KCND2: variants seen among roughly 807,000 people sequenced by gnomAD.
KCND2 encodes the protein A-type voltage-gated potassium channel KCND2.
In KCND2, 16 loss-of-function variants were observed where a neutral mutation model predicts 54.4. The observed-to-expected ratio is 0.29, with a 90% CI of 0.20 to 0.45. The LOEUF (loss-of-function observed/expected upper bound fraction) is 0.45, where lower values mean the gene tolerates loss of function less well. KCND2 is among the 20% of genes least tolerant of loss of function. The pLI, the probability that KCND2 is intolerant of heterozygous loss-of-function variation, is 1.00. For missense variants in KCND2, 486 were observed against 824.2 expected (o/e 0.59, Z 5.02); for synonymous variants, 317 against 310.7 (o/e 1.02, Z -0.21).
intron 1 of KCND2, among the ~76,000 whole-genome samples, chr7:120,405,890 C>T (rs907480245): frequency 6.6e-6 from 1 of 151,984 alleles, no homozygotes; most frequent in African/African-American, 2.4e-5. Context: ...GCTAGTGAAA[C>T]TATAAATTGC....
intron 1 of KCND2, among the ~76,000 whole-genome samples, chr7:120,397,185 A>G (rs2116067564): frequency 6.6e-6 from 1 of 152,198 alleles, no homozygotes; most frequent in East Asian, 1.9e-4. Context: ...GTCCATTTAA[A>G]CAACTAATAT....
chr7:120,745,426 A>T (rs1486116062), intron 4 of KCND2, among the ~76,000 whole-genome samples: 3 of 151,864 alleles, frequency 2.0e-5, no homozygotes, highest in Non-Finnish European at 2.9e-5. Context: ...GGAATTTCTA[A>T]TTTCCCTGTG....
chr7:120,725,078 G>T (rs914501208), intron 1 of KCND2, among the ~76,000 whole-genome samples: 1 of 152,032 alleles, frequency 6.6e-6, no homozygotes, highest in Admixed American at 6.6e-5. Context: ...GAAAAAAATA[G>T]GAAACAGGAA....
At chr7:120,290,097 T>C (rs556940054) in intron 1 of KCND2, among the ~76,000 whole-genome samples, 1 of 152,208 alleles carries the variant, frequency 6.6e-6, no homozygotes, top group Non-Finnish European at 1.5e-5. Context: ...CACACTTTAG[T>C]TAAAATCTCC....
intron 1 of KCND2, among the ~76,000 whole-genome samples, chr7:120,648,440 G>A (rs576632347): frequency 3.5e-4 from 54 of 152,208 alleles, no homozygotes; most frequent in African/African-American, 1.2e-3. Flanking sequence ...GAAAGACATC[G>A]AAATAGAGAA....
At chr7:120,387,650 A>G (rs558164179) in intron 1 of KCND2, among the ~76,000 whole-genome samples, 3 of 152,162 alleles carry the variant, frequency 2.0e-5, no homozygotes, top group African/African-American at 7.2e-5. Flanking sequence ...TTTGTGAATG[A>G]CAGAACTGGG....
intron 1 of KCND2, among the ~76,000 whole-genome samples, chr7:120,666,663 C>T (rs1258070370): frequency 6.6e-6 from 1 of 151,950 alleles, no homozygotes; most frequent in Non-Finnish European, 1.5e-5. Flanking sequence ...GGCCTGCCCT[C>T]TGGACCCAAC....
chr7:120,356,506 G>A (rs1304040546), intron 1 of KCND2, among the ~76,000 whole-genome samples: 2 of 152,128 alleles, frequency 1.3e-5, no homozygotes, highest in Non-Finnish European at 2.9e-5. Flanking sequence ...GAGAAATGAT[G>A]TGATCATAAA....
At chr7:120,593,708 G>A (rs1460545181) in intron 1 of KCND2, among the ~76,000 whole-genome samples, 1 of 152,112 alleles carries the variant, frequency 6.6e-6, no homozygotes, top group African/African-American at 2.4e-5. Flanking sequence ...TAAGCAAAAA[G>A]TGTAAGCAGA....
chr7:120,705,730 T>C (rs141096448), intron 1 of KCND2, among the ~76,000 whole-genome samples: 15 of 152,238 alleles, frequency 9.9e-5, no homozygotes, highest in Non-Finnish European at 2.1e-4. Context: ...AAATGAGAAA[T>C]ATAAAGCATT....
intron 1 of KCND2, among the ~76,000 whole-genome samples, chr7:120,706,936 T>C (rs1162146897): frequency 6.6e-6 from 1 of 152,166 alleles, no homozygotes; most frequent in Non-Finnish European, 1.5e-5. Flanking sequence ...TTTGTCTAAT[T>C]GTCAAAATGT....
rs143917970 is a variant in KCND2, at chr7:120,636,012, C to A, written c.1116-96891C>A. ...TGGGCCCTAAAGCTAAGTGCTGAAA[C>A]GCAACTGTGGCCTTCCTGCTCCAGA... is the stretch of plus-strand genomic sequence containing the variant. On this transcript the variant is annotated intron_variant, in intron 1 of 5. Coordinates refer to ENST00000331113, the MANE Select transcript of KCND2 (RefSeq NM_012281.3). 5.0e-3 allele frequency among the ~76,000 whole-genome samples: 754 copies of A among 152,150 alleles called. 10 individuals carry two copies. The highest frequency in any genetic ancestry group is 0.017 in the African/African-American group (708 of 41,520).
At chr7:120,722,350 T>C (rs1257087420) in intron 1 of KCND2, among the ~76,000 whole-genome samples, 1 of 152,004 alleles carries the variant, frequency 6.6e-6, no homozygotes, top group African/African-American at 2.4e-5. Context: ...TCATGTCAAG[T>C]ATTTGGGAAC....
At chr7:120,623,533 C>G (rs1793129298) in intron 1 of KCND2, among the ~76,000 whole-genome samples, 1 of 152,134 alleles carries the variant, frequency 6.6e-6, no homozygotes, top group Non-Finnish European at 1.5e-5. Context: ...TTGATTTTGG[C>G]TTAGCAGTAT....
At chr7:120,622,485 T>TTATATA (rs370315618) in intron 1 of KCND2, among the ~76,000 whole-genome samples, 117 of 151,100 alleles carry the variant, frequency 7.7e-4, no homozygotes, top group African/African-American at 2.7e-3. Flanking sequence ...TGCGAAATTG[T>TTATATA]TATATATATA....
chr7:120,329,409 C>T (rs1283840785), intron 1 of KCND2, among the ~76,000 whole-genome samples: 1 of 151,936 alleles, frequency 6.6e-6, no homozygotes, highest in East Asian at 1.9e-4. Flanking sequence ...TTTTTTTATA[C>T]CCACTCATAC....
chr7:120,595,579 ATG>A (rs1158348551), intron 1 of KCND2, among the ~76,000 whole-genome samples: 3 of 78,956 alleles, frequency 3.8e-5, no homozygotes, highest in East Asian at 2.5e-4. Context: ...GTGTATATAT[ATG>A]TGTGTGTGTG....
At chr7:120,458,313 C>CT (rs1802232263) in intron 1 of KCND2, among the ~76,000 whole-genome samples, 1 of 152,166 alleles carries the variant, frequency 6.6e-6, no homozygotes, top group Non-Finnish European at 1.5e-5. Flanking sequence ...GTCTAAGACA[C>CT]AGGAAGGCTG....
intron 1 of KCND2, among the ~76,000 whole-genome samples, chr7:120,328,204 T>C (rs1290034810): frequency 6.6e-6 from 1 of 152,160 alleles, no homozygotes; most frequent in Non-Finnish European, 1.5e-5. Flanking sequence ...TACAGAGCTC[T>C]TATGAGGTAT....
Sources: gnomAD v4.1 joint callset for allele counts (sites outside exome capture counted in the v4.1 genomes callset) on GRCh38, gnomAD v4.1.1 for gene constraint, MANE v1.5 for transcripts, NCBI Gene and HGNC (gene_info 2026-07-23, HGNC 2026-07-21) for gene names.